The following TCAF1 variants were observed in gnomAD, a reference collection of about 807,000 sequenced individuals.
The protein encoded by TCAF1 is TRPM8 channel associated factor 1.
In TCAF1, 4 loss-of-function variants were observed where a neutral mutation model predicts 27.3. That is an observed-to-expected ratio of 0.15 (90% CI 0.07 to 0.34). The LOEUF (loss-of-function observed/expected upper bound fraction) is 0.34. Ranked by LOEUF, TCAF1 falls within the 10% of genes least tolerant of loss-of-function variation. The pLI is 1.00. For missense variants in TCAF1, 257 were observed against 425.8 expected (o/e 0.60, Z 3.49); for synonymous variants, 105 against 167.1 (o/e 0.63, Z 2.87).
At chr7:143,878,612 G>T (rs1812850219) in intron 1 of TCAF1, among the ~76,000 whole-genome samples, 1 of 152,180 alleles carries the variant, frequency 6.6e-6, no homozygotes, top group Admixed American at 6.5e-5. Flanking sequence ...GTTTCTAGTA[G>T]TTAAACAGAA....
Position 143,876,437 on chromosome 7 carries a change from G to A in TCAF1, c.172C>T (p.Arg58Cys), listed in dbSNP as rs550777960. Residue 58 changes from arginine (R) to cysteine (C), a missense_variant, in exon 2 of 9, where the codon CGC (arginine) becomes TGC (cysteine). By Grantham distance (180) the Arg-to-Cys change is radical. Transcript: ENST00000479870. ...TCCTCATGGGACACGACCACCAGGCGGCCACGGCCATAGGAGGAGGCAGCA... is the reference window on the plus strand; with the variant it reads ...TCCTCATGGGACACGACCACCAGGCAGCCACGGCCATAGGAGGAGGCAGCA... ...LIAASSYGRG[R>C]LVVVSHEDYL... The A allele has an allele frequency of 1.8e-4, 289 of 1,610,732 alleles. 1 individual carries two copies. In the South Asian group the frequency reaches 2.9e-3, roughly 16 times the overall value.
intron 6 of TCAF1, among the ~76,000 whole-genome samples, chr7:143,859,965 T>TA (rs1811857685): frequency 7.8e-5 from 4 of 51,078 alleles, no homozygotes; most frequent in African/African-American, 2.6e-4. Flanking sequence ...ACGGAATATA[T>TA]ATTATATAAT....
intron 1 of TCAF1, among the ~76,000 whole-genome samples, chr7:143,877,172 T>C (rs1180905859): frequency 6.6e-6 from 1 of 152,164 alleles, no homozygotes; most frequent in Non-Finnish European, 1.5e-5. Context: ...AGATTCTGCC[T>C]CAGAATCGCC....
chr7:143,889,006 GAAATA>G (rs1428186931), intron 1 of TCAF1, among the ~76,000 whole-genome samples: 6 of 152,090 alleles, frequency 3.9e-5, no homozygotes, highest in Non-Finnish European at 8.8e-5. Flanking sequence ...AAAAATAATT[GAAATA>G]AAATAGTTCA....
intron 1 of TCAF1, among the ~76,000 whole-genome samples, chr7:143,887,394 T>C (rs1322514420): frequency 1.3e-5 from 2 of 152,224 alleles, no homozygotes. Context: ...TGCGTGTTTA[T>C]GTTTAAGCAC....
chr7:143,870,342 A>G (rs1248358501), intron 2 of TCAF1, among the ~76,000 whole-genome samples: 3 of 152,104 alleles, frequency 2.0e-5, no homozygotes, highest in Non-Finnish European at 4.4e-5. Context: ...CCTTCCTAAT[A>G]AAAGTATTTA....
At chr7:143,894,401 G>A (rs1813782637) in intron 1 of TCAF1, among the ~76,000 whole-genome samples, 2 of 151,728 alleles carry the variant, frequency 1.3e-5, no homozygotes, top group African/African-American at 4.8e-5. Context: ...AATCTCGTAA[G>A]TACATTATAA....
At chr7:143,899,180 G>T (rs941228330) in intron 1 of TCAF1, among the ~76,000 whole-genome samples, 2 of 152,146 alleles carry the variant, frequency 1.3e-5, no homozygotes, top group African/African-American at 2.4e-5. Flanking sequence ...TTGCTTGTTT[G>T]TTTCTTGTTT....
chr7:143,899,503 G>A (rs1320229134), intron 1 of TCAF1, among the ~76,000 whole-genome samples: 2 of 152,192 alleles, frequency 1.3e-5, no homozygotes, highest in Non-Finnish European at 2.9e-5. Context: ...TGTGGATTAA[G>A]ACTAATTGCC....
At chr7:143,879,609 T>C (rs551183196) in intron 1 of TCAF1, among the ~76,000 whole-genome samples, 3 of 152,300 alleles carry the variant, frequency 2.0e-5, no homozygotes, top group Non-Finnish European at 2.9e-5. Context: ...ATCAAAGATA[T>C]ACGTACAGGA....
intron 1 of TCAF1, among the ~76,000 whole-genome samples, chr7:143,886,856 G>A (rs916340848): frequency 6.9e-6 from 1 of 145,544 alleles, no homozygotes; most frequent in Non-Finnish European, 1.5e-5. Flanking sequence ...CATGCCCAGG[G>A]AGTTTTTGTA....
At chr7:143,865,083 CAT>C (rs1812112004) in intron 2 of TCAF1, among the ~76,000 whole-genome samples, 1 of 151,818 alleles carries the variant, frequency 6.6e-6, no homozygotes. Context: ...GTCCTTTAAA[CAT>C]GTATACAAAA....
intron 1 of TCAF1, among the ~76,000 whole-genome samples, chr7:143,899,176 G>C (rs1586805712): frequency 6.6e-6 from 1 of 152,148 alleles, no homozygotes; most frequent in African/African-American, 2.4e-5. Context: ...TTATTTGCTT[G>C]TTTGTTTCTT....
At chr7:143,879,349 T>C (rs564137794) in intron 1 of TCAF1, among the ~76,000 whole-genome samples, 10 of 152,118 alleles carry the variant, frequency 6.6e-5, no homozygotes, top group African/African-American at 1.9e-4. Flanking sequence ...TAGGAGAAAG[T>C]GGAGGAGGAG....
Position 143,876,605 on chromosome 7 carries a change from C to T in TCAF1, c.4G>A (p.Ala2Thr), listed in dbSNP as rs980011806. The T allele has an allele frequency of 6.6e-7, 1 of 1,504,656 alleles. No individual in the cohort carries two copies. Among genetic ancestry groups the T allele is most frequent in the Non-Finnish European group, 8.9e-7 (1 of 1,129,346 alleles). The allele number at this position is 1,504,656 out of a possible 1,614,324, so 93.2% of individuals were successfully genotyped here. Residue 2 changes from alanine (A) to threonine (T), a missense_variant, in exon 2 of 9, where the codon GCG (alanine) becomes ACG (threonine). Ala to Thr is a moderately conservative substitution (Grantham distance 58, BLOSUM62 0). Around this residue, in one of 2 missense-constraint regions of TCAF1, gnomAD observed 255 missense variants for 260.1 expected, o/e 0.98. Coordinates refer to ENST00000479870, the MANE Select transcript of TCAF1 (RefSeq NM_014719.3). MATPSAAFEALM... is the reference protein window; with the variant it reads MTTPSAAFEALM... ...GCCTCGAAGGCAGCAGAGGGAGTCG[C>T]CATGGCTCTATTGGTTTCTGCAGAG...
chr7:143,885,432 CG>C (rs1813351871), intron 1 of TCAF1: 13 of 985,322 alleles, frequency 1.3e-5, no homozygotes, highest in Non-Finnish European at 1.6e-5. Flanking sequence ...GCTTGGCCGC[CG>C]CCCCCGGACC....
intron 1 of TCAF1, among the ~76,000 whole-genome samples, chr7:143,878,800 C>A (rs1364991634): frequency 6.6e-6 from 1 of 152,204 alleles, no homozygotes; most frequent in African/African-American, 2.4e-5. Flanking sequence ...CAGCTGGTCA[C>A]AAGTCCTATT....
At chr7:143,894,078 A>G (rs899276403) in intron 1 of TCAF1, among the ~76,000 whole-genome samples, 1 of 151,904 alleles carries the variant, frequency 6.6e-6, no homozygotes, top group African/African-American at 2.4e-5. Flanking sequence ...TAACAAAGTG[A>G]TATTACAAGT....
chr7:143,884,933 A>C lies in TCAF1; in HGVS notation c.-14-8311T>G, dbSNP rs184451905. ...AAAGAAATAAGAGACTGGTAGAAAG[A>C]AGCTGAAATAGAAACAGCAATGGAG... On this transcript the variant is annotated intron_variant, in intron 1 of 8. Coordinates refer to ENST00000479870, the MANE Select transcript of TCAF1 (RefSeq NM_014719.3). The C allele has an allele frequency of 2.8e-5, 26 of 913,204 alleles. No homozygotes were observed. In the East Asian group the frequency reaches 2.5e-3, roughly 87 times the overall value. The allele number at this position is 913,204 out of a possible 1,614,324, so 56.6% of individuals were successfully genotyped here.
Sources: allele counts gnomAD v4.1 joint callset (sites outside exome capture counted in the v4.1 genomes callset), GRCh38; gene constraint gnomAD v4.1.1; regional missense constraint gnomAD v4.1.1; transcripts MANE v1.5; gene names NCBI Gene and HGNC (gene_info 2026-07-23, HGNC 2026-07-21).